The following FAM216A variants were observed in gnomAD, a reference collection of about 807,000 sequenced individuals.
FAM216A encodes the protein protein FAM216A.
FAM216A carries 26 observed loss-of-function variants against 37.6 expected under a neutral mutation model. That is an observed-to-expected ratio of 0.69 (90% CI 0.51 to 0.96). The LOEUF (loss-of-function observed/expected upper bound fraction) is 0.96, where lower values mean the gene tolerates loss of function less well. Among genes scored for constraint, FAM216A ranks in the 40% least tolerant of loss-of-function variants. The pLI is 0.00. For synonymous variants in FAM216A, 110 were observed against 121.7 expected, an observed-to-expected ratio of 0.90 and a Z score of 0.64; for missense variants, 326 against 339.3, an observed-to-expected ratio of 0.96 and a Z score of 0.31.
At chr12:110,487,011 G>A (rs550099208) in intron 5 of FAM216A, 52 of 306,150 alleles carry the variant, frequency 1.7e-4, no homozygotes, top group African/African-American at 8.0e-4. Context: ...GATTACAGGC[G>A]TGAGCTACTG....
At chr12:110,488,031 G>T (rs939079601) in intron 6 of FAM216A, 88 bp downstream of exon 6, 3 of 767,116 alleles carry the variant, frequency 3.9e-6, no homozygotes, top group Non-Finnish European at 6.5e-6. Context: ...CTATTATGAA[G>T]ATATTAACAA....
At chr12:110,475,830 G>C (rs1241871169) in intron 2 of FAM216A, among the ~76,000 whole-genome samples, 1 of 151,786 alleles carries the variant, frequency 6.6e-6, no homozygotes, top group Non-Finnish European at 1.5e-5. Context: ...TCCACCTCCT[G>C]GGCTCAAGTG....
In FAM216A at chr12:110,468,892, T is replaced by TC. The variant is rs1292649171; in HGVS notation, c.20dup (p.His8AlafsTer24). The TC allele has an allele frequency of 2.0e-6, 3 of 1,514,580 alleles. No individual in the cohort carries two copies. The highest frequency in any genetic ancestry group is 1.8e-6 in the Non-Finnish European group (2 of 1,133,444). 93.8% of individuals were successfully genotyped at this position (1,514,580 alleles called of 1,614,324 possible). On this transcript the variant is annotated frameshift_variant, in exon 1 of 7. Transcript: ENST00000377673. LOFTEE classifies it high-confidence loss of function. ...GGGGGAGGGATGCTGGGACAGCTGC[T>TC]CCCGCACACGGCTCGCGGTCTCGGC...
chr12:110,473,261 G>C, intron 2 of FAM216A, 143 bp downstream of exon 2: 1 of 387,944 alleles, frequency 2.6e-6, no homozygotes, highest in East Asian at 4.6e-5. Context: ...GCCTGGGCTG[G>C]AGTGCAGTAG....
upstream of FAM216A, chr12:110,468,451 A>G: frequency 6.5e-7 from 1 of 1,535,850 alleles, no homozygotes; most frequent in Non-Finnish European, 8.7e-7. Flanking sequence ...GGCCGTTGGG[A>G]TGCTGTCTAA....
At chr12:110,481,528 G>GTT (rs541934479) in intron 2 of FAM216A, among the ~76,000 whole-genome samples, 73 of 138,854 alleles carry the variant, frequency 5.3e-4, no homozygotes, top group Middle Eastern at 3.7e-3. Flanking sequence ...TGTGTGTGTG[G>GTT]TTTTTTTTTT....
chr12:110,468,487 CA>C, upstream of FAM216A: 1 of 1,537,196 alleles, frequency 6.5e-7, no homozygotes, highest in Non-Finnish European at 8.7e-7. Flanking sequence ...TAATAACGGA[CA>C]ACAGATAAAG....
chr12:110,483,745 G>A (rs2062761131), intron 2 of FAM216A, among the ~76,000 whole-genome samples: 1 of 152,206 alleles, frequency 6.6e-6, no homozygotes, highest in Non-Finnish European at 1.5e-5. Flanking sequence ...TTGAACCTGG[G>A]AGGTGGAGGT....
chr12:110,488,213 C>T (rs2062787390), intron 6 of FAM216A, among the ~76,000 whole-genome samples: 1 of 151,884 alleles, frequency 6.6e-6, no homozygotes. Context: ...AGTTCGAGAC[C>T]CGCCTGGCCA....
At chr12:110,476,771 C>A (rs1021650621) in intron 2 of FAM216A, among the ~76,000 whole-genome samples, 1 of 151,930 alleles carries the variant, frequency 6.6e-6, no homozygotes, top group Non-Finnish European at 1.5e-5. Context: ...AAAGGATTTG[C>A]CCACCTCGGC....
intron 3 of FAM216A, 128 bp from the exon 4 acceptor site, chr12:110,486,197 G>T: frequency 1.1e-6 from 1 of 930,328 alleles, no homozygotes; most frequent in Non-Finnish European, 1.6e-6. Flanking sequence ...TCAAGTTAAC[G>T]TAGTTGAATT....
chr12:110,486,475 C>T (rs1565854262), intron 4 of FAM216A, 21 bp downstream of exon 4: 1 of 1,608,410 alleles, frequency 6.2e-7, no homozygotes, highest in South Asian at 1.1e-5. Context: ...CTCCAGTTGT[C>T]TTTTCACTAG....
At chr12:110,489,960 G>A (rs2062802511) in intron 6 of FAM216A, 59 bp from the exon 7 acceptor site, 1 of 823,974 alleles carries the variant, frequency 1.2e-6, no homozygotes, top group Non-Finnish European at 2.0e-6. Context: ...CATTTTGAAA[G>A]TTGTACTTAG....
At position 110,473,118 on chromosome 12, in the gene FAM216A, G is replaced by GGTGA; in HGVS notation, c.184+3_184+6dup. On this transcript the variant is annotated frameshift_variant and splice_region_variant. Transcript: ENST00000377673. LOFTEE classifies it high-confidence loss of function. ...TTGTTACCAGAATTCCAAAGGTTCT[G>GGTGA]GTGAGTAGTGCATATAAAGCAGATA... The GGTGA allele has an allele frequency of 6.4e-7, 1 of 1,552,526 alleles. No homozygotes were observed. Among genetic ancestry groups the GGTGA allele is most frequent in the Non-Finnish European group, 8.8e-7 (1 of 1,135,296 alleles).
At chr12:110,468,650 C>T, upstream of FAM216A, 4 of 1,537,116 alleles carry the variant, frequency 2.6e-6, no homozygotes, top group Non-Finnish European at 3.5e-6. Flanking sequence ...TATTTCCCTC[C>T]TGTGACGCAC....
At chr12:110,481,480 G>T (rs776082490) in intron 2 of FAM216A, among the ~76,000 whole-genome samples, 1 of 151,890 alleles carries the variant, frequency 6.6e-6, no homozygotes, top group Non-Finnish European at 1.5e-5. Flanking sequence ...AAGTAGCTGG[G>T]ATTACAGGGG....
chr12:110,481,823 AG>A (rs1408966586), intron 2 of FAM216A, among the ~76,000 whole-genome samples: 1 of 152,152 alleles, frequency 6.6e-6, no homozygotes, highest in Admixed American at 6.5e-5. Context: ...AACTTGAAAA[AG>A]GATTTCCAAA....
chr12:110,489,669 G>T (rs548852961), intron 6 of FAM216A, among the ~76,000 whole-genome samples: 73 of 152,202 alleles, frequency 4.8e-4, no homozygotes, highest in African/African-American at 1.7e-3. Flanking sequence ...AGGGGGGGGA[G>T]TCCCTGTGGT....
intron 6 of FAM216A, 103 bp from the exon 7 acceptor site, chr12:110,489,916 T>C (rs747698733): frequency 4.0e-5 from 25 of 620,570 alleles, no homozygotes; most frequent in Admixed American, 1.7e-4. Context: ...TGCAGGCAAT[T>C]TGTCTTTACT....
Sources: gnomAD v4.1 joint callset for allele counts (sites outside exome capture counted in the v4.1 genomes callset) on GRCh38, gnomAD v4.1.1 for gene constraint, MANE v1.5 for transcripts, NCBI Gene and HGNC (gene_info 2026-07-23, HGNC 2026-07-21) for gene names.